Variants in PDLIM5 observed in about 807,000 individuals in gnomAD.
PDLIM5 encodes PDZ and LIM domain 5, also known as PDZ and LIM domain protein 5.
PDLIM5 carries 34 observed loss-of-function variants against 64.2 expected under a neutral mutation model. The ratio of observed to expected loss-of-function variants is 0.53; its 90% CI spans 0.40 to 0.71. The LOEUF is 0.71. PDLIM5 is among the 30% of genes least tolerant of loss of function. The pLI, the probability that PDLIM5 is intolerant of heterozygous loss-of-function variation, is 0.00. For synonymous variants in PDLIM5, 253 were observed against 269.1 expected (o/e 0.94, Z 0.59); for missense variants, 683 against 733.6 (o/e 0.93, Z 0.80).
chr4:94,499,029 T>G (rs1343694364), intron 2 of PDLIM5, among the ~76,000 whole-genome samples: 3 of 152,200 alleles, frequency 2.0e-5, no homozygotes, highest in African/African-American at 7.2e-5. Flanking sequence ...GGGTTGGGTA[T>G]TGTGGTCTAC....
rs1391585176 is a variant in PDLIM5 at position 94,455,313 on chromosome 4, G to A, written c.25G>A (p.Val9Ile). MSNYSVSL[V>I]GPAPWGFRLQ... is the part of the protein sequence containing the mutation. ...CATGAGCAACTACAGTGTGTCACTG[G>A]TTGGCCCAGCTCCTTGGGGTTTCCG... Residue 9 changes from valine (V) to isoleucine (I), a missense_variant, in exon 2 of 13, where the codon GTT becomes ATT. By Grantham distance (29) the Val-to-Ile change is conservative. Coordinates refer to ENST00000317968, the MANE Select transcript of PDLIM5 (RefSeq NM_006457.5). 2 of 1,612,728 alleles carry A rather than the reference G, an allele frequency of 1.2e-6. No homozygotes were observed. The highest frequency in any genetic ancestry group is 2.2e-5 in the East Asian group (1 of 44,876).
In PDLIM5 at chr4:94,569,332, C is replaced by T. The variant is rs570145844; in HGVS notation, c.249-4019C>T. 8.0e-3 allele frequency among the ~76,000 whole-genome samples: 1,209 copies of T among 151,520 alleles called. 12 individuals are homozygous for T. The highest frequency in any genetic ancestry group is 0.027 in the African/African-American group (1,108 of 41,124). ...TTACCCCTTCGTTTGTTTGTTTGTT[C>T]GTTTGTTTGTTTGTTTGTTTAGACA... On this transcript the variant is annotated intron_variant, in intron 3 of 12. Coordinates refer to ENST00000317968, the MANE Select transcript of PDLIM5 (RefSeq NM_006457.5).
chr4:94,565,688 T>C (rs532955071), intron 3 of PDLIM5, among the ~76,000 whole-genome samples: 3 of 152,276 alleles, frequency 2.0e-5, no homozygotes, highest in Admixed American at 6.5e-5. Context: ...AAAAATGAAA[T>C]TATTAGAGAT....
intron 2 of PDLIM5, among the ~76,000 whole-genome samples, chr4:94,481,573 T>C (rs1255192337): frequency 6.6e-6 from 1 of 151,758 alleles, no homozygotes; most frequent in Non-Finnish European, 1.5e-5. Context: ...GAGCCACCGC[T>C]GCCAGCCATT....
rs530465296 is a variant in PDLIM5 at position 94,502,884 on chromosome 4, GA to G, written c.97-20830del. Among the ~76,000 whole-genome samples the G allele has an allele frequency of 9.6e-4, 142 of 147,202 alleles. 4 individuals are homozygous for G. The South Asian group carries it at 0.027, about 28-fold the overall frequency. On this transcript the variant is annotated intron_variant, in intron 2 of 12. Coordinates refer to ENST00000317968, the MANE Select transcript of PDLIM5 (RefSeq NM_006457.5). ...GGAGTGAGACTCCACCTCATTAAAAGAAAAAAAAAAGTTAATACATGTAAAA... is the reference window on the plus strand; with the variant it reads ...GGAGTGAGACTCCACCTCATTAAAAGAAAAAAAAAGTTAATACATGTAAAA...
rs530002554 is a variant in PDLIM5 at position 94,512,084 on chromosome 4, G to T, written c.97-11640G>T. Among the ~76,000 whole-genome samples, 84 of 151,600 alleles carry T rather than the reference G, an allele frequency of 5.5e-4. 1 individual carries two copies. The highest frequency in any genetic ancestry group is 1.6e-3 in the Admixed American group (25 of 15,196). Reference sequence around the variant, plus strand: ...CACCTAGGCTGGAGTGCAGTGGTGCGATCTCGGCTCACTGCAACGTCCACC... The same window carrying T: ...CACCTAGGCTGGAGTGCAGTGGTGCTATCTCGGCTCACTGCAACGTCCACC... On this transcript the variant is annotated intron_variant, in intron 2 of 12. Coordinates refer to ENST00000317968, the MANE Select transcript of PDLIM5 (RefSeq NM_006457.5).
At chr4:94,640,695 T>C (rs1416565231) in intron 9 of PDLIM5, among the ~76,000 whole-genome samples, 1 of 152,084 alleles carries the variant, frequency 6.6e-6, no homozygotes, top group African/African-American at 2.4e-5. Context: ...TCAATTCCTA[T>C]TAGAACTAAG....
At chr4:94,484,152 T>C (rs2126110590) in intron 2 of PDLIM5, among the ~76,000 whole-genome samples, 1 of 152,260 alleles carries the variant, frequency 6.6e-6, no homozygotes, top group Non-Finnish European at 1.5e-5. Flanking sequence ...TTTTTATCTT[T>C]CAGGTTCAGA....
intron 1 of PDLIM5, among the ~76,000 whole-genome samples, chr4:94,454,533 C>T (rs545278388): frequency 6.6e-6 from 1 of 152,254 alleles, no homozygotes; most frequent in East Asian, 1.9e-4. Flanking sequence ...TGCTTACTCT[C>T]TGCCTGGTGA....
chr4:94,494,432 G>GTTTTTTTTTTTTTTTTTTTTTTTTTTTT (rs61675663), intron 2 of PDLIM5, among the ~76,000 whole-genome samples: 3 of 70,770 alleles, frequency 4.2e-5, no homozygotes, highest in African/African-American at 1.3e-4. Context: ...TTTTTTTCTT[G>GTTTTTTTTTTTTTTTTTTTTTTTTTTTT]TTTTTTTTTT....
chr4:94,495,035 A>G (rs1017680070), intron 2 of PDLIM5, among the ~76,000 whole-genome samples: 2 of 152,108 alleles, frequency 1.3e-5, no homozygotes, highest in African/African-American at 2.4e-5. Context: ...GTGAGCCACC[A>G]TGCCCGGCCC....
At chr4:94,515,568 C>G (rs1403135510) in intron 2 of PDLIM5, among the ~76,000 whole-genome samples, 2 of 152,150 alleles carry the variant, frequency 1.3e-5, no homozygotes, top group Admixed American at 6.5e-5. Flanking sequence ...TAGAGAAACT[C>G]TGTTCTCACA....
At chr4:94,617,015 C>T (rs946567915) in intron 7 of PDLIM5, among the ~76,000 whole-genome samples, 2 of 152,236 alleles carry the variant, frequency 1.3e-5, no homozygotes, top group African/African-American at 4.8e-5. Context: ...AACTCCTGAC[C>T]TCAGGTGATC....
At chr4:94,645,643 T>C (rs1272904073) in intron 9 of PDLIM5, among the ~76,000 whole-genome samples, 4 of 152,184 alleles carry the variant, frequency 2.6e-5, no homozygotes, top group Non-Finnish European at 4.4e-5. Context: ...GCAATACATA[T>C]AGCCAGTGTG....
intron 2 of PDLIM5, among the ~76,000 whole-genome samples, chr4:94,477,041 T>G (rs1258302551): frequency 6.6e-6 from 1 of 152,222 alleles, no homozygotes; most frequent in East Asian, 1.9e-4. Context: ...TAGTGTTTAC[T>G]TCAAGCATCA....
At position 94,664,245 on chromosome 4, in the gene PDLIM5, G is replaced by A; in HGVS notation, c.*178G>A. ...GAAATATTTGGCTTCATAAAGTAAA[G>A]AGACGGTTTGGCATTTATTATTACT... On this transcript the variant is annotated 3_prime_UTR_variant, in exon 13 of 13. Transcript: ENST00000317968. 6 of 1,123,606 alleles carry A rather than the reference G, an allele frequency of 5.3e-6. No individual in the cohort carries two copies. The highest frequency in any genetic ancestry group is 5.6e-6 in the Non-Finnish European group (5 of 899,480). 69.6% of individuals were successfully genotyped at this position (1,123,606 alleles called of 1,614,324 possible).
intron 2 of PDLIM5, among the ~76,000 whole-genome samples, chr4:94,465,526 G>A (rs1724274931): frequency 6.6e-6 from 1 of 151,946 alleles, no homozygotes; most frequent in Admixed American, 6.6e-5. Context: ...TCAGCTTCCT[G>A]AGTAGCTGGG....
chr4:94,612,178 A>G (rs911864312), intron 7 of PDLIM5, among the ~76,000 whole-genome samples: 1 of 152,182 alleles, frequency 6.6e-6, no homozygotes, highest in African/African-American at 2.4e-5. Context: ...AAATTGCGCC[A>G]TTGCACTCCA....
chr4:94,627,489 A>G (rs565711981), intron 8 of PDLIM5, among the ~76,000 whole-genome samples: 2 of 152,320 alleles, frequency 1.3e-5, no homozygotes, highest in Admixed American at 6.5e-5. Flanking sequence ...TATGCTTTTC[A>G]TAAAGAATTG....
Sources: allele counts gnomAD v4.1 joint callset (sites outside exome capture counted in the v4.1 genomes callset), GRCh38; gene constraint gnomAD v4.1.1; transcripts MANE v1.5; gene names NCBI Gene and HGNC (gene_info 2026-07-23, HGNC 2026-07-21).